IPCEF1: variants seen among roughly 807,000 people sequenced by gnomAD.
The protein encoded by IPCEF1 is interactor protein for cytohesin exchange factors 1.
Under a neutral mutation model 50.9 loss-of-function variants are expected in IPCEF1, and 31 were observed. The ratio of observed to expected loss-of-function variants is 0.61; its 90% confidence interval spans 0.46 to 0.82. The LOEUF (loss-of-function observed/expected upper bound fraction) is 0.82, where lower values mean the gene tolerates loss of function less well. Ranked by LOEUF, IPCEF1 falls within the 40% of genes least tolerant of loss-of-function variation. The probability of loss-of-function intolerance (pLI) is 0.00; values close to 1 mark genes in which losing one functional copy is unlikely to be tolerated. For synonymous variants in IPCEF1, 181 were observed against 192.0 expected, an observed-to-expected ratio of 0.94 and a Z score of 0.47; for missense variants, 458 against 514.0, an observed-to-expected ratio of 0.89 and a Z score of 1.05.
At chr6:154,330,303 G>A (rs1328817593) in intron 1 of IPCEF1, among the ~76,000 whole-genome samples, 2 of 148,660 alleles carry the variant, frequency 1.3e-5, no homozygotes, top group Non-Finnish European at 3.0e-5. Flanking sequence ...CAGGAGCAAC[G>A]GGACTTCTAC....
At chr6:154,272,515 C>T (rs1469688341) in intron 2 of IPCEF1, among the ~76,000 whole-genome samples, 1 of 152,112 alleles carries the variant, frequency 6.6e-6, no homozygotes, top group Non-Finnish European at 1.5e-5. Context: ...ATAGCCAAAC[C>T]AATGAAATCA....
At position 154,199,842 on chromosome 6, in the gene IPCEF1, G is replaced by T; in HGVS notation, c.736C>A (p.His246Asn). Residue 246 changes from histidine (H) to asparagine (N), a missense_variant, in exon 10 of 12, where the codon CAT becomes AAT. His to Asn is a moderately conservative substitution (Grantham distance 68). Coordinates refer to ENST00000367220, the MANE Select transcript of IPCEF1 (RefSeq NM_001130700.2). Reference protein sequence around the residue: ...GQPITFAVQVHSPVPSEAGIH... With the variant: ...GQPITFAVQVNSPVPSEAGIH... Reference sequence around the variant, plus strand: ...CCTGCCTCTGAGGGTACAGGTGAATGAACTTGCACAGCAAACGTTATTGGT... The same window carrying T: ...CCTGCCTCTGAGGGTACAGGTGAATTAACTTGCACAGCAAACGTTATTGGT... 1 of 1,614,170 alleles carries T rather than the reference G, an allele frequency of 6.2e-7. No individual in the cohort carries two copies. Among genetic ancestry groups the T allele is most frequent in the Non-Finnish European group, 8.5e-7 (1 of 1,180,028 alleles).
intron 1 of IPCEF1, among the ~76,000 whole-genome samples, chr6:154,311,008 T>G (rs912444376): frequency 6.7e-6 from 1 of 150,294 alleles, no homozygotes; most frequent in Non-Finnish European, 1.5e-5. Flanking sequence ...AATTTATTTT[T>G]AAAGTCCTCA....
intron 1 of IPCEF1, among the ~76,000 whole-genome samples, chr6:154,320,094 CT>C (rs1783335203): frequency 6.6e-6 from 1 of 152,102 alleles, no homozygotes; most frequent in Admixed American, 6.6e-5. Context: ...CAGTTTCAAT[CT>C]GCAAAACTGT....
At chr6:154,355,310 T>C (rs1389585615) in intron 1 of IPCEF1, among the ~76,000 whole-genome samples, 1 of 152,152 alleles carries the variant, frequency 6.6e-6, no homozygotes, top group Non-Finnish European at 1.5e-5. Context: ...AGTTCATACA[T>C]GGACCCACTC....
chr6:154,202,817 C>G (rs1777177247), intron 9 of IPCEF1, among the ~76,000 whole-genome samples: 1 of 151,802 alleles, frequency 6.6e-6, no homozygotes, highest in Admixed American at 6.6e-5. Context: ...CACCAGGCAC[C>G]ACTTATAAAT....
intron 3 of IPCEF1, among the ~76,000 whole-genome samples, chr6:154,248,672 C>G (rs991806182): frequency 1.3e-5 from 2 of 152,228 alleles, no homozygotes; most frequent in African/African-American, 4.8e-5. Context: ...AGGCCTGGAA[C>G]CAATTCCTGG....
intron 1 of IPCEF1, among the ~76,000 whole-genome samples, chr6:154,356,334 C>T (rs1332832486): frequency 6.6e-6 from 1 of 152,218 alleles, no homozygotes; most frequent in African/African-American, 2.4e-5. Context: ...AGTGCTTCCC[C>T]AAATGAACTC....
rs35590430 is a variant in IPCEF1, at chr6:154,268,754, CTT to C, written c.-17-2792_-17-2791del. On this transcript the variant is annotated intron_variant, in intron 2 of 11. Coordinates refer to ENST00000367220, the MANE Select transcript of IPCEF1 (RefSeq NM_001130700.2). ...TGTTTCTATCTCCCTTACTCATTGT[CTT>C]TTTTTTTTTTTAAGTCCTCAAACAC... is the stretch of plus-strand genomic sequence containing the variant. Among the ~76,000 whole-genome samples, 1,127 of 146,412 alleles carry C rather than the reference CTT, an allele frequency of 7.7e-3. 15 individuals are homozygous for C. The highest frequency in any genetic ancestry group is 0.025 in the African/African-American group (986 of 39,818).
Position 154,159,965 on chromosome 6 carries a change from ACT to A in IPCEF1, c.1178_1179del (p.Glu393ValfsTer23), listed in dbSNP as rs1387541660. On this transcript the variant is annotated frameshift_variant, in exon 12 of 12. Transcript: ENST00000367220. LOFTEE classifies it low-confidence loss of function (END_TRUNC). Reference protein sequence around the residue: ...DPKLTARKYREWKVMNTLLIQ... With the variant: ...DPKLTARKYRXWKVMNTLLIQ... ...ATCAGCAGGGTGTTCATGACTTTCCACTCTCTGTATTTCCTGGCTGTCAGCTT... is the reference window on the plus strand; with the variant it reads ...ATCAGCAGGGTGTTCATGACTTTCCACTCTGTATTTCCTGGCTGTCAGCTT... 2.5e-6 allele frequency: 4 copies of A among 1,612,520 alleles called. No individual in the cohort carries two copies. In the African/African-American group the frequency reaches 4.0e-5, roughly 16 times the overall value.
intron 1 of IPCEF1, among the ~76,000 whole-genome samples, chr6:154,344,257 G>GT (rs1238332067): frequency 2.6e-5 from 4 of 152,076 alleles, no homozygotes; most frequent in Non-Finnish European, 5.9e-5. Context: ...TGTCCGTGTC[G>GT]TTTTATCTAA....
At chr6:154,329,439 T>C (rs9371788) in intron 1 of IPCEF1, among the ~76,000 whole-genome samples, 1 of 151,094 alleles carries the variant, frequency 6.6e-6, no homozygotes, top group South Asian at 2.1e-4. Flanking sequence ...CTACAAAAAA[T>C]AAAAAAAATT....
intron 1 of IPCEF1, among the ~76,000 whole-genome samples, chr6:154,344,122 C>T (rs1783977654): frequency 6.6e-6 from 1 of 152,190 alleles, no homozygotes; most frequent in Admixed American, 6.5e-5. Context: ...CACCACACTC[C>T]GAGTCTCCTC....
chr6:154,342,986 T>TG (rs1216920175), intron 1 of IPCEF1, among the ~76,000 whole-genome samples: 1 of 152,050 alleles, frequency 6.6e-6, no homozygotes, highest in Admixed American at 6.6e-5. Context: ...CTTGGTCACA[T>TG]GGGCCTGTAG....
At position 154,168,109 on chromosome 6, in the gene IPCEF1, C is replaced by T. The variant is rs377693737; in HGVS notation, c.915G>A (p.Glu305=). The T allele has an allele frequency of 7.2e-6, 11 of 1,532,980 alleles. No homozygotes were observed. Among genetic ancestry groups the T allele is most frequent in the Middle Eastern group, 1.7e-4 (1 of 5,716 alleles). The allele number at this position is 1,532,980 out of a possible 1,614,324, so 95.0% of individuals were successfully genotyped here. A position where few individuals can be genotyped will look rare whatever the true frequency, so the allele number is the denominator to read the frequency against. Residue 305 remains glutamate, a synonymous_variant, in exon 11 of 12, where the codon GAG becomes GAA. Transcript: ENST00000367220. This position sits in a 1 kb window ranked among gnomAD's most constrained non-coding sequence, Gnocchi z 4.1. Reference sequence around the variant, plus strand: ...TTTCATCATCTTCAGACACTTTTGTCTCTTCTATTTGAAAAAAAAAAAGAA... The same window carrying T: ...TTTCATCATCTTCAGACACTTTTGTTTCTTCTATTTGAAAAAAAAAAAGAA... ...PAGSKIMDKE[E]TKVSEDDEME... is the part of the protein sequence containing the mutation.
chr6:154,230,317 T>C (rs1204437705), intron 5 of IPCEF1, among the ~76,000 whole-genome samples: 2 of 152,222 alleles, frequency 1.3e-5, no homozygotes, highest in African/African-American at 4.8e-5. Flanking sequence ...TACATGAGTA[T>C]GGGCGGGGAT....
chr6:154,199,219 A>G (rs1776880449), intron 10 of IPCEF1, among the ~76,000 whole-genome samples: 1 of 152,256 alleles, frequency 6.6e-6, no homozygotes, highest in Non-Finnish European at 1.5e-5. Flanking sequence ...TCAGGAGCCG[A>G]CAGGCTAAGA....
chr6:154,284,677 G>A (rs754230455), intron 2 of IPCEF1, among the ~76,000 whole-genome samples: 3 of 152,118 alleles, frequency 2.0e-5, no homozygotes, highest in Non-Finnish European at 4.4e-5. Context: ...CCCTCCTGAC[G>A]ACCAGCACTG....
At chr6:154,213,040 C>A in intron 8 of IPCEF1, 185 bp from the exon 9 acceptor site, 1 of 568,024 alleles carries the variant, frequency 1.8e-6, no homozygotes, top group Non-Finnish European at 3.2e-6. Flanking sequence ...AACAAATGGC[C>A]AATTCGGGGC....
Sources: allele counts gnomAD v4.1 joint callset (sites outside exome capture counted in the v4.1 genomes callset), GRCh38; gene constraint gnomAD v4.1.1; non-coding constraint Gnocchi (gnomAD v3.1); transcripts MANE v1.5; gene names NCBI Gene and HGNC (gene_info 2026-07-23, HGNC 2026-07-21).